Variants in NELL1 observed in about 807,000 individuals in gnomAD.
NELL1 encodes the protein protein kinase C-binding protein NELL1.
In NELL1, 76 loss-of-function variants were observed where a neutral mutation model predicts 107.4. The observed-to-expected ratio is 0.71, with a 90% CI of 0.59 to 0.86. The LOEUF is 0.86. NELL1 is among the 40% of genes least tolerant of loss of function. The probability of loss-of-function intolerance (pLI) is 0.00; values close to 1 mark genes in which losing one functional copy is unlikely to be tolerated. For synonymous variants in NELL1, 353 were observed against 341.2 expected (o/e 1.03, Z -0.38); for missense variants, 1,024 against 1,005.5 (o/e 1.02, Z -0.25).
At chr11:20,831,368 G>C (rs943793851) in intron 3 of NELL1, among the ~76,000 whole-genome samples, 6 of 152,116 alleles carry the variant, frequency 3.9e-5, no homozygotes, top group Non-Finnish European at 7.3e-5. Flanking sequence ...CTTCACGTTC[G>C]AGGAACACTT....
intron 13 of NELL1, among the ~76,000 whole-genome samples, chr11:21,193,434 T>TATA (rs1857088437): frequency 6.6e-6 from 1 of 151,814 alleles, no homozygotes; most frequent in Non-Finnish European, 1.5e-5. Flanking sequence ...TAACAGCATA[T>TATA]ATATAAGGCA....
In NELL1 at chr11:21,305,231, C is replaced by T. The variant is rs141333881; in HGVS notation, c.1550-65622C>T. On this transcript the variant is annotated intron_variant, in intron 14 of 19. Transcript: ENST00000357134. Reference sequence around the variant, plus strand: ...AATCTTTCTTGGGAAATGACAAGAGCCATCAAAGAAATAAGAAGTGATATT... The same window carrying T: ...AATCTTTCTTGGGAAATGACAAGAGTCATCAAAGAAATAAGAAGTGATATT... Among the ~76,000 whole-genome samples the T allele has an allele frequency of 3.5e-3, 536 of 151,948 alleles. 6 individuals are homozygous for T. The highest frequency in any genetic ancestry group is 6.8e-3 in the Middle Eastern group (2 of 294).
At chr11:21,292,899 A>G (rs1299319968) in intron 14 of NELL1, among the ~76,000 whole-genome samples, 1 of 152,152 alleles carries the variant, frequency 6.6e-6, no homozygotes, top group Admixed American at 6.5e-5. Flanking sequence ...CTGAAACTGG[A>G]CCCCTTCCTT....
At chr11:20,865,864 C>G (rs774823618) in intron 4 of NELL1, among the ~76,000 whole-genome samples, 1 of 152,292 alleles carries the variant, frequency 6.6e-6, no homozygotes, top group South Asian at 2.1e-4. Context: ...GACCAAAGTA[C>G]AGTATACTGA....
intron 3 of NELL1, among the ~76,000 whole-genome samples, chr11:20,789,140 G>A (rs904510885): frequency 6.6e-5 from 10 of 152,264 alleles, no homozygotes; most frequent in South Asian, 6.2e-4. Context: ...GCCTTTGCCC[G>A]AGTTTTGCTA....
chr11:21,130,554 A>G (rs1227411451), intron 13 of NELL1, among the ~76,000 whole-genome samples: 1 of 152,218 alleles, frequency 6.6e-6, no homozygotes, highest in Non-Finnish European at 1.5e-5. Flanking sequence ...TGGCAACTCT[A>G]GAGTCAGGGA....
intron 15 of NELL1, among the ~76,000 whole-genome samples, chr11:21,488,801 A>G (rs1014666245): frequency 6.6e-6 from 1 of 152,174 alleles, no homozygotes; most frequent in Non-Finnish European, 1.5e-5. Flanking sequence ...CTAAGAGAAA[A>G]TTATATAGCA....
At chr11:21,271,973 G>A (rs1211453427) in intron 14 of NELL1, among the ~76,000 whole-genome samples, 1 of 152,218 alleles carries the variant, frequency 6.6e-6, no homozygotes, top group Non-Finnish European at 1.5e-5. Context: ...TTCCCAGCAT[G>A]AGCGATGCAG....
At chr11:21,156,787 C>T (rs1039798319) in intron 13 of NELL1, among the ~76,000 whole-genome samples, 3 of 152,022 alleles carry the variant, frequency 2.0e-5, no homozygotes, top group East Asian at 1.9e-4. Flanking sequence ...ATCATTAGAG[C>T]AGCTATTAAT....
At chr11:20,806,163 A>G (rs1016226378) in intron 3 of NELL1, among the ~76,000 whole-genome samples, 10 of 146,044 alleles carry the variant, frequency 6.8e-5, no homozygotes, top group African/African-American at 2.6e-4. Context: ...AACTCCCTTT[A>G]GCATTTCTTA....
chr11:21,265,547 A>G (rs1848618698), intron 14 of NELL1, among the ~76,000 whole-genome samples: 1 of 152,040 alleles, frequency 6.6e-6, no homozygotes, highest in Non-Finnish European at 1.5e-5. Context: ...GAACAAATTA[A>G]GTATCTCTGT....
rs2134018397 is a variant in NELL1, at chr11:21,575,142, C to A, written c.*120C>A. The A allele has an allele frequency of 1.1e-6, 1 of 880,244 alleles. No homozygotes were observed. The highest frequency in any genetic ancestry group is 1.5e-5 in the South Asian group (1 of 66,058). The allele number at this position is 880,244 out of a possible 1,614,324, so 54.5% of individuals were successfully genotyped here. A position where few individuals can be genotyped will look rare whatever the true frequency, so the allele number is the denominator to read the frequency against. ...TTGTTTTTTTAACCACAGATAATTGCCAAAGTTTCCACCTGAGGACGGTGT... is the reference window on the plus strand; with the variant it reads ...TTGTTTTTTTAACCACAGATAATTGACAAAGTTTCCACCTGAGGACGGTGT... On this transcript the variant is annotated 3_prime_UTR_variant, in exon 20 of 20. Transcript: ENST00000357134.
chr11:21,144,008 A>G lies in NELL1; in HGVS notation c.1426+30294A>G, dbSNP rs114235115. Among the ~76,000 whole-genome samples, 1,160 of 152,318 alleles carry G rather than the reference A, an allele frequency of 7.6e-3. 14 individuals carry two copies. The highest frequency in any genetic ancestry group is 0.026 in the African/African-American group (1,090 of 41,558). Reference sequence around the variant, plus strand: ...AAAAATGAGGAACAGAACCAGAAAAACAGGAATGGGTTAAGTATAAAGTCT... The same window carrying G: ...AAAAATGAGGAACAGAACCAGAAAAGCAGGAATGGGTTAAGTATAAAGTCT... On this transcript the variant is annotated intron_variant, in intron 13 of 19. Transcript: ENST00000357134.
chr11:21,153,444 ATTAT>A (rs1303361825), intron 13 of NELL1, among the ~76,000 whole-genome samples: 9 of 152,122 alleles, frequency 5.9e-5, no homozygotes, highest in Non-Finnish European at 1.3e-4. Flanking sequence ...CATTAAATAA[ATTAT>A]TTATTAAGCA....
chr11:21,415,242 G>A (rs943529110), intron 15 of NELL1, among the ~76,000 whole-genome samples: 10 of 152,056 alleles, frequency 6.6e-5, no homozygotes, highest in African/African-American at 2.2e-4. Context: ...AAAGACCAGG[G>A]CCATTAGAGA....
chr11:21,339,933 T>A (rs1250520862), intron 14 of NELL1, among the ~76,000 whole-genome samples: 1 of 152,122 alleles, frequency 6.6e-6, no homozygotes, highest in Non-Finnish European at 1.5e-5. Flanking sequence ...AAATGCTCCG[T>A]GAGGCAAACT....
At chr11:21,404,016 C>CCT (rs1554905723) in intron 15 of NELL1, among the ~76,000 whole-genome samples, 5 of 116,348 alleles carry the variant, frequency 4.3e-5, no homozygotes, top group African/African-American at 1.3e-4. Context: ...CCCCCCCCCC[C>CCT]GCAATCAAAA....
intron 3 of NELL1, among the ~76,000 whole-genome samples, chr11:20,797,434 C>T (rs192783203): frequency 1.4e-4 from 21 of 151,856 alleles, no homozygotes; most frequent in Admixed American, 3.9e-4. Context: ...GGCGTGGTGG[C>T]GGGCGCCTGT....
At position 20,900,031 on chromosome 11, in the gene NELL1, C is replaced by T. The variant is rs867833915; in HGVS notation, c.603+14491C>T. On this transcript the variant is annotated intron_variant, in intron 5 of 19. Coordinates refer to ENST00000357134, the MANE Select transcript of NELL1 (RefSeq NM_006157.5). ...TTAAAACAACAGCCTTTATTTACCTCACAATTTTGTGCATTAGCAATTTGA... is the reference window on the plus strand; with the variant it reads ...TTAAAACAACAGCCTTTATTTACCTTACAATTTTGTGCATTAGCAATTTGA... 3.3e-5 allele frequency among the ~76,000 whole-genome samples: 5 copies of T among 152,256 alleles called. No homozygotes were observed. In the South Asian group the frequency reaches 1.0e-3, roughly 32 times the overall value.
Sources: gnomAD v4.1 joint callset for allele counts (sites outside exome capture counted in the v4.1 genomes callset) on GRCh38, gnomAD v4.1.1 for gene constraint, MANE v1.5 for transcripts, NCBI Gene and HGNC (gene_info 2026-07-23, HGNC 2026-07-21) for gene names.